FYTTD1: variants seen among roughly 807,000 people sequenced by gnomAD.
The protein encoded by FYTTD1 is UAP56-interacting factor.
Under a neutral mutation model 40.9 loss-of-function variants are expected in FYTTD1, and 22 were observed. That is an observed-to-expected ratio of 0.54 (90% CI 0.38 to 0.77). The LOEUF is 0.77. FYTTD1 is among the 30% of genes least tolerant of loss of function. FYTTD1 has a pLI of 0.00. For synonymous variants in FYTTD1, 140 were observed against 137.9 expected, an observed-to-expected ratio of 1.01 and a Z score of -0.10; for missense variants, 351 against 392.2, an observed-to-expected ratio of 0.90 and a Z score of 0.89.
At chr3:197,767,579 C>G (rs950737326) in intron 2 of FYTTD1, among the ~76,000 whole-genome samples, 3 of 151,918 alleles carry the variant, frequency 2.0e-5, no homozygotes, top group Non-Finnish European at 4.4e-5. Flanking sequence ...ATCCTCTCAC[C>G]CCAGCCTCCT....
intron 5 of FYTTD1, among the ~76,000 whole-genome samples, chr3:197,773,878 C>T (rs1729791153): frequency 6.6e-6 from 1 of 150,866 alleles, no homozygotes. Context: ...CGCACACGCC[C>T]CACTGGGTTA....
chr3:197,778,607 C>T (rs1319160541), intron 8 of FYTTD1, 143 bp downstream of exon 8: 2 of 582,672 alleles, frequency 3.4e-6, no homozygotes, highest in East Asian at 5.8e-5. Context: ...TTTTGTCTGC[C>T]ATTTGCCTAT....
Position 197,786,842 on chromosome 3 carries a change from A to G in FYTTD1, c.*4933A>G, listed in dbSNP as rs553169583. On this transcript the variant is annotated 3_prime_UTR_variant, in exon 9 of 9. Transcript: ENST00000241502. ...TACTCTGTCACCCAGGCTGCAGTGC[A>G]GTGGCACAATCTCGGCTCACTGCAG... 2 of 152,338 alleles carry G rather than the reference A, an allele frequency of 1.3e-5. No individual in the cohort carries two copies. Among genetic ancestry groups the G allele is most frequent in the East Asian group, 3.9e-4 (2 of 5,174 alleles). 9.4% of individuals were successfully genotyped at this position (152,338 alleles called of 1,614,324 possible). A position where few individuals can be genotyped will look rare whatever the true frequency, so the allele number is the denominator to read the frequency against.
At chr3:197,780,169 A>C (rs1729991654) in intron 8 of FYTTD1, among the ~76,000 whole-genome samples, 1 of 149,672 alleles carries the variant, frequency 6.7e-6, no homozygotes, top group Admixed American at 6.6e-5. Context: ...ACACCTGGGG[A>C]TACAGGCACA....
rs754267264 is a variant in FYTTD1, at chr3:197,786,102, C to CTTTTTTTTTTT, written c.*4196_*4206dup. ...ACAGTTTATTTTCTTTTTTCTTTTTCTTTTTTTTTTTTTCTTTTTTTTCTT... is the reference window on the plus strand; with the variant it reads ...ACAGTTTATTTTCTTTTTTCTTTTTCTTTTTTTTTTTTTTTTTTTTTTTTCTTTTTTTTCTT... On this transcript the variant is annotated 3_prime_UTR_variant, in exon 9 of 9. Transcript: ENST00000241502. 7.6e-6 allele frequency: 1 copy of CTTTTTTTTTTT among 131,246 alleles called. No individual in the cohort carries two copies. 8.1% of individuals were successfully genotyped at this position (131,246 alleles called of 1,614,324 possible).
chr3:197,754,924 A>G (rs1428519504), intron 1 of FYTTD1, among the ~76,000 whole-genome samples: 3 of 152,170 alleles, frequency 2.0e-5, no homozygotes, highest in East Asian at 1.9e-4. Context: ...TCTCACCTCT[A>G]AAAGTGCTGA....
intron 2 of FYTTD1, among the ~76,000 whole-genome samples, chr3:197,763,155 G>C (rs1425263288): frequency 6.6e-6 from 1 of 151,970 alleles, no homozygotes; most frequent in East Asian, 1.9e-4. Context: ...GGCTCACCCA[G>C]GTAATCCCAG....
intron 2 of FYTTD1, among the ~76,000 whole-genome samples, chr3:197,763,241 C>G (rs1729442875): frequency 6.6e-6 from 1 of 151,862 alleles, no homozygotes; most frequent in South Asian, 2.1e-4. Flanking sequence ...TGGCAAAACC[C>G]TATCTCTACT....
In FYTTD1 at chr3:197,783,643, A is replaced by G. The variant is rs1269641180; in HGVS notation, c.*1734A>G. The G allele has an allele frequency of 1.3e-5, 2 of 152,600 alleles. No homozygotes were observed. The highest frequency in any genetic ancestry group is 2.9e-5 in the Non-Finnish European group (2 of 68,046). 9.5% of individuals were successfully genotyped at this position (152,600 alleles called of 1,614,324 possible). On this transcript the variant is annotated 3_prime_UTR_variant, in exon 9 of 9. Transcript: ENST00000241502. ...CTCATTGCAAAACATTTTTGCAAGG[A>G]TGAATGCCTGTATTTGGTCTAGGAA... is the stretch of plus-strand genomic sequence containing the variant.
At chr3:197,769,333 G>A (rs780797750) in intron 3 of FYTTD1, among the ~76,000 whole-genome samples, 8 of 152,130 alleles carry the variant, frequency 5.3e-5, no homozygotes, top group Admixed American at 2.6e-4. Context: ...TGATCCATCC[G>A]CCTCACCCTC....
At position 197,750,002 on chromosome 3, in the gene FYTTD1, G is replaced by A; in HGVS notation, c.31G>A (p.Ala11Thr). 6.3e-7 allele frequency: 1 copy of A among 1,583,338 alleles called. No individual in the cohort carries two copies. The highest frequency in any genetic ancestry group is 8.6e-7 in the Non-Finnish European group (1 of 1,166,676). Residue 11 changes from alanine to threonine, a missense_variant, in exon 1 of 9, where the codon GCC becomes ACC. Ala to Thr is a moderately conservative substitution (Grantham distance 58, BLOSUM62 0). Transcript: ENST00000241502. Reference sequence around the variant, plus strand: ...CCGGTTTGGTACCCGGTTGGTGGGAGCCACGGCGACTTCTTCGCCGCCGCC... The same window carrying A: ...CCGGTTTGGTACCCGGTTGGTGGGAACCACGGCGACTTCTTCGCCGCCGCC... The part of the protein sequence containing the change: MNRFGTRLVG[A>T]TATSSPPPKA...
At position 197,756,648 on chromosome 3, in the gene FYTTD1, G is replaced by A. The variant is rs761613811; in HGVS notation, c.235+91G>A. The A allele has an allele frequency of 3.9e-5, 45 of 1,162,400 alleles. No individual in the cohort carries two copies. The East Asian group carries it at 4.2e-4, about 11-fold the overall frequency. The allele number at this position is 1,162,400 out of a possible 1,614,324, so 72.0% of individuals were successfully genotyped here. On this transcript the variant is annotated intron_variant, in intron 2 of 8. Transcript: ENST00000241502. The stretch of plus-strand genomic sequence containing the variant: ...GCATATGCTTAACGTGGAGGAATGC[G>A]TCAGTACTCTTTGTGTTTTGTGTTT...
chr3:197,778,252 T>C (rs1729930481), intron 7 of FYTTD1, 86 bp from the exon 8 acceptor site: 3 of 1,024,254 alleles, frequency 2.9e-6, no homozygotes, highest in Non-Finnish European at 4.1e-6. Context: ...CATTTGAACA[T>C]GTGTACAAGA....
intron 5 of FYTTD1, among the ~76,000 whole-genome samples, chr3:197,773,931 A>G (rs1729794575): frequency 6.7e-6 from 1 of 148,708 alleles, no homozygotes; most frequent in East Asian, 2.0e-4. Flanking sequence ...GCACTCACGC[A>G]CACGCCCCAC....
rs201649414 is a variant in FYTTD1 at position 197,768,544 on chromosome 3, G to A, written c.341G>A (p.Arg114Gln). Residue 114 changes from arginine to glutamine, a missense_variant, in exon 3 of 9, where the codon CGA (arginine) becomes CAA (glutamine). Arg to Gln is a conservative substitution (Grantham distance 43, BLOSUM62 1). Transcript: ENST00000241502. ...GCAGCTAGGAAAACGACTGGAATTC[G>A]AAAAGGAATTAGTCCTATGAATCGT... ...GLAARKTTGI[R>Q]KGISPMNRPP... The A allele has an allele frequency of 1.4e-5, 22 of 1,613,782 alleles. No individual in the cohort carries two copies. The East Asian group carries it at 1.6e-4, about 11-fold the overall frequency.
intron 3 of FYTTD1, 97 bp downstream of exon 3, chr3:197,768,684 A>G (rs1157426940): frequency 1.9e-6 from 2 of 1,055,840 alleles, no homozygotes; most frequent in African/African-American, 3.2e-5. Context: ...ATTTGTTTTT[A>G]TGTAGTACTT....
intron 1 of FYTTD1, 112 bp downstream of exon 1, chr3:197,750,186 T>A (rs1014941502): frequency 1.7e-5 from 16 of 946,290 alleles, no homozygotes; most frequent in Admixed American, 3.2e-5. Context: ...CGGAGTTTTC[T>A]CGCTGGTGGG....
intron 8 of FYTTD1, among the ~76,000 whole-genome samples, chr3:197,779,529 C>CTTTTTTTT (rs57263354): frequency 8.4e-6 from 1 of 118,408 alleles, no homozygotes; most frequent in Non-Finnish European, 1.7e-5. Context: ...TTCCTTAGGA[C>CTTTTTTTT]TTTTTTTTTT....
intron 2 of FYTTD1, among the ~76,000 whole-genome samples, chr3:197,758,281 CTGTT>C (rs1281070704): frequency 6.6e-6 from 1 of 151,692 alleles, no homozygotes; most frequent in Non-Finnish European, 1.5e-5. Context: ...TTTAAAATAA[CTGTT>C]GAGAGTTCAT....
Sources: gnomAD v4.1 joint callset for allele counts (sites outside exome capture counted in the v4.1 genomes callset) on GRCh38, gnomAD v4.1.1 for gene constraint, MANE v1.5 for transcripts, NCBI Gene and HGNC (gene_info 2026-07-23, HGNC 2026-07-21) for gene names.